TENM2: variants seen among roughly 807,000 people sequenced by gnomAD.
The protein encoded by TENM2 is teneurin-2.
TENM2 carries 52 observed loss-of-function variants against 245.2 expected under a neutral mutation model. The observed-to-expected ratio is 0.21, with a 90% CI of 0.17 to 0.27. The LOEUF (loss-of-function observed/expected upper bound fraction) is 0.27. TENM2 is among the 10% of genes least tolerant of loss of function. The pLI is 1.00. For synonymous variants in TENM2, 1,363 were observed against 1,438.9 expected, an observed-to-expected ratio of 0.95 and a Z score of 1.19; for missense variants, 3,046 against 3,666.8, an observed-to-expected ratio of 0.83 and a Z score of 4.37.
chr5:168,028,821 G>C (rs900570128), intron 5 of TENM2, among the ~76,000 whole-genome samples: 3 of 150,276 alleles, frequency 2.0e-5, no homozygotes, highest in African/African-American at 7.3e-5. Context: ...AAAAAAAATG[G>C]GCTTGTGACC....
chr5:167,850,185 C>T (rs1213126887), intron 2 of TENM2, among the ~76,000 whole-genome samples: 1 of 152,130 alleles, frequency 6.6e-6, no homozygotes, highest in East Asian at 1.9e-4. Context: ...ATTCATATCT[C>T]CAGAGATACC....
intron 2 of TENM2, among the ~76,000 whole-genome samples, chr5:167,801,109 AATATAT>A (rs869282464): frequency 0.04 from 2,607 of 65,416 alleles, 75 homozygotes; most frequent in Non-Finnish European, 0.053. Flanking sequence ...AAAAAAAAAA[AATATAT>A]ATATATATAT....
chr5:168,158,182 C>T (rs747225974), intron 12 of TENM2, among the ~76,000 whole-genome samples: 18 of 152,132 alleles, frequency 1.2e-4, no homozygotes, highest in Non-Finnish European at 2.4e-4. Flanking sequence ...CTCGGCATCC[C>T]AAAGTGGGTT....
chr5:167,706,248 T>G (rs1252829507), intron 2 of TENM2, among the ~76,000 whole-genome samples: 1 of 145,834 alleles, frequency 6.9e-6, no homozygotes, highest in Non-Finnish European at 1.5e-5. Context: ...TATAGTATAC[T>G]ATATATTATT....
At chr5:167,173,045 A>G in the TENM2 span, among the ~76,000 whole-genome samples, 3 of 152,186 alleles carry the variant, frequency 2.0e-5, no homozygotes, top group African/African-American at 7.2e-5. Flanking sequence ...CACCTAAAAT[A>G]TACATGTGAA....
intron 5 of TENM2, among the ~76,000 whole-genome samples, chr5:168,034,189 A>AC (rs1787452758): frequency 2.7e-5 from 4 of 147,096 alleles, no homozygotes; most frequent in African/African-American, 7.5e-5. Context: ...ACACACACAC[A>AC]AAAATTAATC....
At chr5:167,524,451 A>G (rs1770972623) in intron 2 of TENM2, among the ~76,000 whole-genome samples, 1 of 152,150 alleles carries the variant, frequency 6.6e-6, no homozygotes, top group Admixed American at 6.6e-5. Flanking sequence ...ATTATTACCA[A>G]ACATGGGTAA....
intron 1 of TENM2, among the ~76,000 whole-genome samples, chr5:167,290,673 T>C (rs1754580787): frequency 6.6e-6 from 1 of 152,082 alleles, no homozygotes; most frequent in African/African-American, 2.4e-5. Flanking sequence ...TACATTATTT[T>C]CCTATTTTTA....
intron 2 of TENM2, among the ~76,000 whole-genome samples, chr5:167,582,058 A>G (rs183631230): frequency 6.6e-6 from 1 of 151,778 alleles, no homozygotes; most frequent in Non-Finnish European, 1.5e-5. Flanking sequence ...AGATTCTCAT[A>G]TAATATAATC....
chr5:167,333,855 G>A (rs1383701546), intron 1 of TENM2, among the ~76,000 whole-genome samples: 1 of 152,078 alleles, frequency 6.6e-6, no homozygotes, highest in Admixed American at 6.6e-5. Flanking sequence ...AGTCCAGTGG[G>A]TACCTTGGCT....
intron 2 of TENM2, among the ~76,000 whole-genome samples, chr5:167,717,573 TATTA>T (rs1182962306): frequency 1.3e-5 from 2 of 152,226 alleles, no homozygotes; most frequent in Non-Finnish European, 2.9e-5. Context: ...TCTGAAATTT[TATTA>T]ATTTCAGAAT....
chr5:167,280,662 G>A (rs536587631), upstream of TENM2, among the ~76,000 whole-genome samples: 1 of 152,100 alleles, frequency 6.6e-6, no homozygotes, highest in African/African-American at 2.4e-5. Context: ...TGGCTATATA[G>A]GAGGCTCACT....
the TENM2 span, among the ~76,000 whole-genome samples, chr5:167,201,081 T>C: frequency 1.9e-4 from 29 of 152,280 alleles, no homozygotes; most frequent in Middle Eastern, 3.4e-3. Flanking sequence ...GTTTTCAAAG[T>C]CTTTCGAATA....
intron 1 of TENM2, chr5:167,303,448 T>G (rs1755479932): frequency 6.6e-6 from 1 of 152,256 alleles, no homozygotes; most frequent in South Asian, 2.1e-4. Context: ...GGGGCTGTTC[T>G]CTGGCGGGCT....
intron 2 of TENM2, among the ~76,000 whole-genome samples, chr5:167,477,280 AAAT>A (rs1205880039): frequency 1.3e-5 from 2 of 151,088 alleles, no homozygotes; most frequent in African/African-American, 2.5e-5. Flanking sequence ...AAAAAAAAAA[AAAT>A]ACCATGACTA....
chr5:167,246,277 T>C, the TENM2 span, among the ~76,000 whole-genome samples: 1 of 152,094 alleles, frequency 6.6e-6, no homozygotes, highest in Non-Finnish European at 1.5e-5. Flanking sequence ...TAAATAAGTA[T>C]AGTGGGCTAC....
intron 2 of TENM2, among the ~76,000 whole-genome samples, chr5:167,406,946 T>C (rs1212709383): frequency 1.3e-5 from 2 of 152,164 alleles, no homozygotes; most frequent in Non-Finnish European, 1.5e-5. Context: ...TTAGTGTAAT[T>C]CTTGATTAAT....
chr5:167,509,716 C>T (rs944166654), intron 2 of TENM2, among the ~76,000 whole-genome samples: 13 of 152,164 alleles, frequency 8.5e-5, no homozygotes, highest in African/African-American at 2.7e-4. Context: ...CCAGGACCCA[C>T]GCTAAGCATT....
At chr5:167,673,356 G>A (rs892360925) in intron 2 of TENM2, among the ~76,000 whole-genome samples, 5 of 151,938 alleles carry the variant, frequency 3.3e-5, no homozygotes, top group East Asian at 1.9e-4. Flanking sequence ...CATTAACACC[G>A]TTTTGACCTG....
Sources: gnomAD v4.1 joint callset for allele counts (sites outside exome capture counted in the v4.1 genomes callset) on GRCh38, gnomAD v4.1.1 for gene constraint, MANE v1.5 for transcripts, NCBI Gene and HGNC (gene_info 2026-07-23, HGNC 2026-07-21) for gene names.